TMEM132D: variants seen among roughly 807,000 people sequenced by gnomAD.
TMEM132D encodes the protein transmembrane protein 132D.
A neutral mutation model predicts 62.3 loss-of-function variants in TMEM132D; 21 were observed. That is an observed-to-expected ratio of 0.34 (90% CI 0.24 to 0.49). The LOEUF is 0.49. Ranked by LOEUF, TMEM132D falls within the 20% of genes least tolerant of loss-of-function variation. The probability of loss-of-function intolerance (pLI) is 0.99; values close to 1 mark genes in which losing one functional copy is unlikely to be tolerated. For synonymous variants in TMEM132D, 621 were observed against 575.6 expected (o/e 1.08, Z -1.13); for missense variants, 1,346 against 1,402.8 (o/e 0.96, Z 0.65).
At chr12:129,454,186 T>C (rs750460030) in intron 3 of TMEM132D, among the ~76,000 whole-genome samples, 3 of 152,224 alleles carry the variant, frequency 2.0e-5, no homozygotes, top group Non-Finnish European at 4.4e-5. Flanking sequence ...CACTGAATAC[T>C]ATGCACTTAA....
chr12:129,552,570 T>C (rs1029675296), intron 2 of TMEM132D, among the ~76,000 whole-genome samples: 5 of 64,872 alleles, frequency 7.7e-5, no homozygotes, highest in African/African-American at 2.8e-4. Context: ...ATCTATCATC[T>C]ATCTGTTCAC....
At chr12:129,791,653 T>C (rs1871403158) in intron 1 of TMEM132D, among the ~76,000 whole-genome samples, 1 of 152,100 alleles carries the variant, frequency 6.6e-6, no homozygotes, top group Admixed American at 6.6e-5. Flanking sequence ...AGACACTGAA[T>C]TAACCCCCCC....
At chr12:129,717,734 T>G (rs1334831648) in intron 1 of TMEM132D, among the ~76,000 whole-genome samples, 1 of 151,678 alleles carries the variant, frequency 6.6e-6, no homozygotes, top group African/African-American at 2.4e-5. Context: ...TAAAATAAAA[T>G]ATTTAATAAA....
chr12:129,091,593 C>T (rs941162425), intron 5 of TMEM132D, among the ~76,000 whole-genome samples: 1 of 152,018 alleles, frequency 6.6e-6, no homozygotes, highest in Non-Finnish European at 1.5e-5. Flanking sequence ...CTCACCTGGG[C>T]TCTGGAGACC....
chr12:129,290,802 T>C lies in TMEM132D; in HGVS notation c.1299+46832A>G, dbSNP rs113961880. Among the ~76,000 whole-genome samples, 488 of 152,330 alleles carry C rather than the reference T, an allele frequency of 3.2e-3. 4 individuals are homozygous for C. The highest frequency in any genetic ancestry group is 0.011 in the African/African-American group (466 of 41,584). On this transcript the variant is annotated intron_variant, in intron 4 of 8. Transcript: ENST00000422113. ...TAAGTTGTTGACCTCAACTGAATGATCTGTAACCCATGGCAAGGATACATT... is the reference window on the plus strand; with the variant it reads ...TAAGTTGTTGACCTCAACTGAATGACCTGTAACCCATGGCAAGGATACATT...
At chr12:129,181,231 T>C (rs951609972) in intron 5 of TMEM132D, among the ~76,000 whole-genome samples, 3 of 152,322 alleles carry the variant, frequency 2.0e-5, no homozygotes, top group African/African-American at 7.2e-5. Context: ...GCCAGGCTTC[T>C]GAAAACAATC....
At chr12:129,201,103 T>C (rs940226426) in intron 5 of TMEM132D, among the ~76,000 whole-genome samples, 2 of 152,210 alleles carry the variant, frequency 1.3e-5, no homozygotes, top group African/African-American at 4.8e-5. Context: ...TGTAATCAGG[T>C]AGGGCTACAG....
chr12:129,192,118 A>G (rs1878422503), intron 5 of TMEM132D, among the ~76,000 whole-genome samples: 2 of 152,006 alleles, frequency 1.3e-5, no homozygotes, highest in Admixed American at 1.3e-4. Flanking sequence ...CCTGAGTCTT[A>G]CTCTTGGCTG....
At chr12:129,452,083 T>A (rs1873307947) in intron 3 of TMEM132D, among the ~76,000 whole-genome samples, 1 of 152,206 alleles carries the variant, frequency 6.6e-6, no homozygotes. Context: ...GGTGAATTTT[T>A]CCTGGCTCCT....
chr12:129,583,719 G>A lies in TMEM132D; in HGVS notation c.969-52514C>T, dbSNP rs575277453. Among the ~76,000 whole-genome samples, 36 of 152,284 alleles carry A rather than the reference G, an allele frequency of 2.4e-4. No individual in the cohort carries two copies. The South Asian group carries it at 4.1e-3, about 18-fold the overall frequency. ...CTTGCCTTAGACAGAGGAATGAGGC[G>A]GGTCTGTCTGAGCAAAGAATCCCTT... is the stretch of plus-strand genomic sequence containing the variant. On this transcript the variant is annotated intron_variant, in intron 2 of 8. Transcript: ENST00000422113.
Position 129,371,696 on chromosome 12 carries a change from T to C in TMEM132D, c.1116-33879A>G, listed in dbSNP as rs1870608626. Among the ~76,000 whole-genome samples, 1 of 151,874 alleles carries C rather than the reference T, an allele frequency of 6.6e-6. No individual in the cohort carries two copies. Among genetic ancestry groups the C allele is most frequent in the South Asian group, 2.1e-4 (1 of 4,804 alleles). On this transcript the variant is annotated intron_variant, in intron 3 of 8. Transcript: ENST00000422113. This position sits in a 1 kb window ranked among gnomAD's most constrained non-coding sequence, Gnocchi z 4.3. ...ATGATGATGATGGTGACAATGATGA[T>C]GTGATGATAGTGATGGTGATGATGA... is the stretch of plus-strand genomic sequence containing the variant.
At chr12:129,108,059 A>C (rs926013457) in intron 5 of TMEM132D, among the ~76,000 whole-genome samples, 4 of 152,146 alleles carry the variant, frequency 2.6e-5, no homozygotes, top group Non-Finnish European at 5.9e-5. Flanking sequence ...AGTACTTCTG[A>C]CTTCTGACCA....
At chr12:129,635,620 G>C (rs902564153) in intron 2 of TMEM132D, among the ~76,000 whole-genome samples, 1 of 152,162 alleles carries the variant, frequency 6.6e-6, no homozygotes, top group African/African-American at 2.4e-5. Context: ...CCCTTCATTT[G>C]ATGGTGGAGT....
At chr12:129,778,253 C>A (rs534543696) in intron 1 of TMEM132D, among the ~76,000 whole-genome samples, 1 of 152,000 alleles carries the variant, frequency 6.6e-6, no homozygotes, top group East Asian at 1.9e-4. Context: ...GAAATTGCCC[C>A]CTTTAAATTT....
At chr12:129,363,971 T>C (rs1028949502) in intron 3 of TMEM132D, among the ~76,000 whole-genome samples, 4 of 152,216 alleles carry the variant, frequency 2.6e-5, no homozygotes, top group African/African-American at 7.2e-5. Context: ...GTTATCAGTT[T>C]CATGTGAAGG....
At chr12:129,184,303 A>C (rs10847788) in intron 5 of TMEM132D, among the ~76,000 whole-genome samples, 76,662 of 152,036 alleles carry the variant, frequency 0.5, 19,409 homozygotes, top group East Asian at 0.63. Flanking sequence ...CAACATCAAC[A>C]CAGAAATCGG....
intron 3 of TMEM132D, among the ~76,000 whole-genome samples, chr12:129,480,517 CA>C (rs1874396929): frequency 6.6e-6 from 1 of 152,188 alleles, no homozygotes; most frequent in South Asian, 2.1e-4. Flanking sequence ...GCAAAATCAT[CA>C]AAGTGCTCCG....
intron 6 of TMEM132D, among the ~76,000 whole-genome samples, chr12:129,082,775 G>C (rs569902849): frequency 6.6e-6 from 1 of 152,300 alleles, no homozygotes; most frequent in South Asian, 2.1e-4. Flanking sequence ...TGTCACCCAG[G>C]CTGGAGTGCA....
At chr12:129,780,018 CACAGTTAGGAGTGTGAA>C (rs1871070132) in intron 1 of TMEM132D, among the ~76,000 whole-genome samples, 1 of 151,308 alleles carries the variant, frequency 6.6e-6, no homozygotes, top group Non-Finnish European at 1.5e-5. Context: ...CCCCAGGTTT[CACAGTTAGGAGTGTGAA>C]GAGCCGACTC....
Sources: gnomAD v4.1 joint callset for allele counts (sites outside exome capture counted in the v4.1 genomes callset) on GRCh38, gnomAD v4.1.1 for gene constraint, Gnocchi (gnomAD v3.1) non-coding constraint, MANE v1.5 for transcripts, NCBI Gene and HGNC (gene_info 2026-07-23, HGNC 2026-07-21) for gene names.